Variants in DPH6 observed in about 807,000 individuals in gnomAD.
DPH6 encodes the protein diphthamine biosynthesis 6, also known as diphthine--ammonia ligase.
A neutral mutation model predicts 38.2 loss-of-function variants in DPH6; 33 were observed. The ratio of observed to expected loss-of-function variants is 0.86; its 90% CI spans 0.65 to 1.15. DPH6 has a LOEUF of 1.15. DPH6 is among the 50% of genes most tolerant of loss of function. The pLI, the probability that DPH6 is intolerant of heterozygous loss-of-function variation, is 0.00. For missense variants in DPH6, 325 were observed against 320.0 expected (o/e 1.02, Z -0.12); for synonymous variants, 108 against 103.0 (o/e 1.05, Z -0.30).
At chr15:35,149,361 C>T in the DPH6 span, among the ~76,000 whole-genome samples, 1 of 152,160 alleles carries the variant, frequency 6.6e-6, no homozygotes, top group Non-Finnish European at 1.5e-5. Context: ...CCTCAGCCTC[C>T]CGAGTAGCTG....
chr15:35,450,553 T>C, intron 5 of DPH6, 132 bp downstream of exon 5: 1 of 752,102 alleles, frequency 1.3e-6, no homozygotes, highest in Non-Finnish European at 2.2e-6. Flanking sequence ...AGGTGCTTAC[T>C]CAATTTCTTC....
At chr15:35,335,481 C>T (rs2052363796) in intron 3 of DPH6, among the ~76,000 whole-genome samples, 1 of 151,992 alleles carries the variant, frequency 6.6e-6, no homozygotes, top group Non-Finnish European at 1.5e-5. Context: ...TGCCTATGTC[C>T]TGAATGATAC....
At chr15:35,446,854 AT>A (rs1320749945) in intron 5 of DPH6, among the ~76,000 whole-genome samples, 2 of 151,038 alleles carry the variant, frequency 1.3e-5, no homozygotes, top group African/African-American at 4.9e-5. Context: ...ATTCCTCTAG[AT>A]TACATAGGTG....
intron 3 of DPH6, among the ~76,000 whole-genome samples, chr15:35,334,599 C>G (rs371683963): frequency 2.0e-5 from 3 of 151,998 alleles, no homozygotes; most frequent in African/African-American, 7.2e-5. Flanking sequence ...TGTTCCCCAC[C>G]ACGTGTCCAT....
At chr15:35,424,453 T>C (rs771277544) in intron 5 of DPH6, among the ~76,000 whole-genome samples, 2 of 67,166 alleles carry the variant, frequency 3.0e-5, no homozygotes, top group Admixed American at 1.4e-4. Context: ...TCTAACAGGA[T>C]TTTTTTTTTT....
At chr15:35,286,378 C>A (rs980860042) in intron 3 of DPH6, among the ~76,000 whole-genome samples, 1 of 152,200 alleles carries the variant, frequency 6.6e-6, no homozygotes, top group Non-Finnish European at 1.5e-5. Flanking sequence ...TGAGGTGCTT[C>A]GCCCAATGAA....
At chr15:35,194,207 C>T in the DPH6 span, among the ~76,000 whole-genome samples, 24 of 152,070 alleles carry the variant, frequency 1.6e-4, 3 homozygotes, top group East Asian at 5.8e-4. Flanking sequence ...CTTTTGTGAC[C>T]GTTTTCTCAT....
the DPH6 span, among the ~76,000 whole-genome samples, chr15:35,153,427 C>T: frequency 7.9e-5 from 12 of 151,908 alleles, no homozygotes; most frequent in African/African-American, 1.5e-4. Flanking sequence ...GTGAGGGTGT[C>T]GAACTAAAGA....
At chr15:35,311,192 C>T (rs1336581793) in intron 3 of DPH6, among the ~76,000 whole-genome samples, 1 of 151,996 alleles carries the variant, frequency 6.6e-6, no homozygotes, top group African/African-American at 2.4e-5. Flanking sequence ...ATGAATTATA[C>T]GTAGTACTCA....
the DPH6 span, among the ~76,000 whole-genome samples, chr15:35,162,678 A>G: frequency 1.3e-5 from 2 of 151,450 alleles, no homozygotes; most frequent in East Asian, 3.9e-4. Flanking sequence ...TTTTTAATCA[A>G]CTCTCTTCCA....
intron 3 of DPH6, chr15:35,238,129 C>A: frequency 8.5e-7 from 1 of 1,179,712 alleles, no homozygotes; most frequent in East Asian, 2.4e-5. Flanking sequence ...TCCCCTCCCC[C>A]GCTCCAATCC....
At chr15:35,171,036 A>G in the DPH6 span, among the ~76,000 whole-genome samples, 2 of 152,218 alleles carry the variant, frequency 1.3e-5, no homozygotes, top group Non-Finnish European at 2.9e-5. Context: ...TTGTACAAAT[A>G]CAGTTATCAG....
intron 3 of DPH6, among the ~76,000 whole-genome samples, chr15:35,496,477 C>G (rs1035222052): frequency 9.5e-5 from 14 of 147,720 alleles, no homozygotes; most frequent in Admixed American, 7.5e-4. Context: ...ATCGCTAGAA[C>G]CCGGGAGGCG....
intron 3 of DPH6, among the ~76,000 whole-genome samples, chr15:35,340,100 C>T (rs2052408572): frequency 6.6e-6 from 1 of 152,106 alleles, no homozygotes; most frequent in Non-Finnish European, 1.5e-5. Context: ...GTTAGATTTT[C>T]TTGTTGAATC....
intron 3 of DPH6, among the ~76,000 whole-genome samples, chr15:35,236,640 CAAA>C (rs373551575): frequency 5.9e-5 from 6 of 101,718 alleles, no homozygotes; most frequent in Admixed American, 1.0e-4. Context: ...GACTCCATCT[CAAA>C]AAAAAAAAAA....
intron 3 of DPH6, among the ~76,000 whole-genome samples, chr15:35,458,528 A>T (rs1355714055): frequency 6.6e-6 from 1 of 152,204 alleles, no homozygotes; most frequent in African/African-American, 2.4e-5. Flanking sequence ...CTTAGAAAAG[A>T]CATAGCTAGG....
the DPH6 span, among the ~76,000 whole-genome samples, chr15:35,150,785 T>G: frequency 6.6e-6 from 1 of 152,186 alleles, no homozygotes; most frequent in Non-Finnish European, 1.5e-5. Flanking sequence ...AAACAATAAC[T>G]AAGATTTAGA....
Position 35,382,865 on chromosome 15 carries a change from C to A in DPH6, c.568-949G>T, listed in dbSNP as rs12438395. On this transcript the variant is annotated intron_variant, in intron 6 of 8. Coordinates refer to ENST00000256538, the MANE Select transcript of DPH6 (RefSeq NM_080650.4). ...GAAATTAAAAAAAAGAAAAAAAAAA[C>A]CAAGCAGCAAAACACAAAAAAACCT... Among the ~76,000 whole-genome samples, 160 of 150,546 alleles carry A rather than the reference C, an allele frequency of 1.1e-3. 3 individuals are homozygous for A. In the East Asian group the frequency reaches 0.014, roughly 14 times the overall value.
chr15:35,474,577 CT>C (rs764050207), intron 3 of DPH6, among the ~76,000 whole-genome samples: 1 of 152,110 alleles, frequency 6.6e-6, no homozygotes, highest in Non-Finnish European at 1.5e-5. Flanking sequence ...CATAGATCAT[CT>C]TTTGGCTATT....
Sources: allele counts gnomAD v4.1 joint callset (sites outside exome capture counted in the v4.1 genomes callset), GRCh38; gene constraint gnomAD v4.1.1; transcripts MANE v1.5; gene names NCBI Gene and HGNC (gene_info 2026-07-23, HGNC 2026-07-21).